The following UBE2D3 variants were observed in gnomAD, a reference collection of about 807,000 sequenced individuals.
The protein encoded by UBE2D3 is ubiquitin conjugating enzyme E2 D3.
In UBE2D3, 2 loss-of-function variants were observed where a neutral mutation model predicts 22.8. The observed-to-expected ratio is 0.09, with a 90% confidence interval of 0.04 to 0.28. The LOEUF is 0.28. UBE2D3 is among the 10% of genes least tolerant of loss of function. The pLI, the probability that UBE2D3 is intolerant of heterozygous loss-of-function variation, is 1.00. For missense variants in UBE2D3, 27 were observed against 182.5 expected (o/e 0.15, Z 4.91); for synonymous variants, 56 against 60.4 (o/e 0.93, Z 0.34).
Position 102,835,751 on chromosome 4 carries a change from C to A in UBE2D3, c.-128-9115G>T, listed in dbSNP as rs184520102. ...ATTGACATACAATAAATTATACATA[C>A]CTAAATAAACAGTTTGATAAGCTAA... is the stretch of plus-strand genomic sequence containing the variant. On this transcript the variant is annotated intron_variant, in intron 1 of 7. Transcript: ENST00000338145. 7.2e-3 allele frequency among the ~76,000 whole-genome samples: 1,070 copies of A among 147,664 alleles called. 5 individuals are homozygous for A. Among genetic ancestry groups the A allele is most frequent in the Middle Eastern group, 0.024 (7 of 290 alleles).
At chr4:102,868,475 C>A (rs182726652) in intron 1 of UBE2D3, among the ~76,000 whole-genome samples, 1 of 152,232 alleles carries the variant, frequency 6.6e-6, no homozygotes, top group East Asian at 1.9e-4. Flanking sequence ...GTTTTTGGAG[C>A]TAGGGCTGCA....
chr4:102,835,384 G>T (rs1165783765), intron 1 of UBE2D3, among the ~76,000 whole-genome samples: 2 of 152,186 alleles, frequency 1.3e-5, no homozygotes, highest in Non-Finnish European at 2.9e-5. Flanking sequence ...ATGGATTTAA[G>T]CATCCTTGGA....
intron 1 of UBE2D3, 41 bp downstream of exon 1, chr4:102,827,386 G>A (rs1730738541): frequency 2.0e-6 from 2 of 986,112 alleles, no homozygotes; most frequent in Non-Finnish European, 2.4e-6. Flanking sequence ...CCACTGGGCC[G>A]GCCTCCCTTC....
chr4:102,865,246 C>A (rs1304179282), intron 1 of UBE2D3, among the ~76,000 whole-genome samples: 1 of 152,124 alleles, frequency 6.6e-6, no homozygotes, highest in Non-Finnish European at 1.5e-5. Context: ...GTAATCCCAG[C>A]ACTTTGGGAG....
intron 2 of UBE2D3, among the ~76,000 whole-genome samples, chr4:102,826,216 G>C (rs924356379): frequency 4.6e-5 from 7 of 151,968 alleles, no homozygotes; most frequent in African/African-American, 1.7e-4. Context: ...AAATAATAAA[G>C]GCGCCTTAAG....
At chr4:102,827,400 G>A (rs1054720305) in intron 1 of UBE2D3, 27 bp downstream of exon 1, 72 of 986,046 alleles carry the variant, frequency 7.3e-5, no homozygotes, top group Middle Eastern at 5.2e-4. Context: ...TCCCTTCCCT[G>A]CCCTAGCCGT....
chr4:102,859,261 C>T (rs1318121583), intron 1 of UBE2D3, among the ~76,000 whole-genome samples: 1 of 151,942 alleles, frequency 6.6e-6, no homozygotes, highest in Non-Finnish European at 1.5e-5. Flanking sequence ...GCAAGGTTTG[C>T]TGAAAAACCT....
In UBE2D3 at chr4:102,794,616, G is replaced by T. The variant is rs1294037900; in HGVS notation, c.*2799C>A. The stretch of plus-strand genomic sequence containing the variant: ...CCCGCCCAAATTACTAACACAGCAT[G>T]ATCAGTACCTTAAGTATACTTCAAC... On this transcript the variant is annotated 3_prime_UTR_variant, in exon 8 of 8. Coordinates refer to ENST00000453744, the MANE Select transcript of UBE2D3 (RefSeq NM_181891.3). 1 of 150,300 alleles carries T rather than the reference G, an allele frequency of 6.7e-6. No individual in the cohort carries two copies. Among genetic ancestry groups the T allele is most frequent in the Non-Finnish European group, 1.5e-5 (1 of 67,780 alleles). The allele number at this position is 150,300 out of a possible 1,614,324, so 9.3% of individuals were successfully genotyped here. A position where few individuals can be genotyped will look rare whatever the true frequency, so the allele number is the denominator to read the frequency against.
chr4:102,804,498 C>T (rs1243474740), intron 4 of UBE2D3, among the ~76,000 whole-genome samples: 1 of 152,062 alleles, frequency 6.6e-6, no homozygotes, highest in African/African-American at 2.4e-5. Context: ...TAGAAAAACA[C>T]TCAGGTCACT....
At chr4:102,860,749 G>A (rs180796635) in intron 1 of UBE2D3, among the ~76,000 whole-genome samples, 1 of 152,012 alleles carries the variant, frequency 6.6e-6, no homozygotes, top group African/African-American at 2.4e-5. Context: ...AATCCAGCAG[G>A]AGCCAGTTGC....
chr4:102,806,224 C>G (rs1420748577), intron 4 of UBE2D3, among the ~76,000 whole-genome samples: 1 of 152,070 alleles, frequency 6.6e-6, no homozygotes, highest in Non-Finnish European at 1.5e-5. Flanking sequence ...AGAACATGTT[C>G]TCTACTGCAC....
chr4:102,825,627 T>C, intron 2 of UBE2D3: 1 of 1,164,712 alleles, frequency 8.6e-7, no homozygotes, highest in Non-Finnish European at 1.1e-6. Flanking sequence ...AAAATCCTAG[T>C]TTTTTTTCAA....
chr4:102,853,022 A>G (rs528577363), intron 1 of UBE2D3, among the ~76,000 whole-genome samples: 4 of 151,790 alleles, frequency 2.6e-5, no homozygotes, highest in Admixed American at 2.6e-4. Flanking sequence ...CAAATCCAAC[A>G]GTTTGAATAA....
intron 1 of UBE2D3, 160 bp from the exon 2 acceptor site, chr4:102,826,796 G>A (rs1730577022): frequency 7.9e-7 from 1 of 1,260,856 alleles, no homozygotes; most frequent in Non-Finnish European, 1.0e-6. Flanking sequence ...TGGGGGCGAG[G>A]GTGACGGGAA....
At chr4:102,803,643 T>C (rs1018122695) in intron 4 of UBE2D3, among the ~76,000 whole-genome samples, 3 of 152,170 alleles carry the variant, frequency 2.0e-5, no homozygotes, top group African/African-American at 4.8e-5. Flanking sequence ...CTGATAGACA[T>C]GTAAAGTAAC....
intron 1 of UBE2D3, among the ~76,000 whole-genome samples, chr4:102,852,880 C>T (rs1185970555): frequency 1.3e-5 from 2 of 152,140 alleles, no homozygotes; most frequent in African/African-American, 4.8e-5. Context: ...TTTACTTGGA[C>T]CCCTCACCAG....
intron 2 of UBE2D3, among the ~76,000 whole-genome samples, chr4:102,823,077 C>T (rs1290221011): frequency 1.3e-5 from 2 of 152,240 alleles, no homozygotes; most frequent in Non-Finnish European, 2.9e-5. Flanking sequence ...CTATAAAATT[C>T]TCACATCTAT....
At chr4:102,864,136 C>G (rs1212058110) in intron 1 of UBE2D3, among the ~76,000 whole-genome samples, 1 of 152,180 alleles carries the variant, frequency 6.6e-6, no homozygotes, top group Non-Finnish European at 1.5e-5. Context: ...ATATACACAA[C>G]ACAACCTTAA....
Position 102,795,115 on chromosome 4 carries a change from T to G in UBE2D3, c.*2300A>C, listed in dbSNP as rs1725140989. 1.3e-5 allele frequency: 2 copies of G among 152,096 alleles called. No individual in the cohort carries two copies. The highest frequency in any genetic ancestry group is 6.6e-5 in the Admixed American group (1 of 15,248). 9.4% of individuals were successfully genotyped at this position (152,096 alleles called of 1,614,324 possible). On this transcript the variant is annotated 3_prime_UTR_variant, in exon 8 of 8. Coordinates refer to ENST00000453744, the MANE Select transcript of UBE2D3 (RefSeq NM_181891.3). ...CTGTTCTTTTAAACCTGGAGAAGCC[T>G]CTATGGCTTATTCCCTTAGAAGCAA...
Sources: gnomAD v4.1 joint callset for allele counts (sites outside exome capture counted in the v4.1 genomes callset) on GRCh38, gnomAD v4.1.1 for gene constraint, MANE v1.5 for transcripts, NCBI Gene and HGNC (gene_info 2026-07-23, HGNC 2026-07-21) for gene names.